The following SAMD5 variants were observed in gnomAD, a reference collection of about 807,000 sequenced individuals.
SAMD5 encodes sterile alpha motif domain-containing protein 5.
SAMD5 carries 13 observed loss-of-function variants against 11.3 expected under a neutral mutation model. The observed-to-expected ratio is 1.15, with a 90% CI of 0.75 to 1.83. SAMD5 has a LOEUF of 1.83. Ranked by LOEUF, SAMD5 falls within the 40% of genes most tolerant of loss-of-function variation. The probability of loss-of-function intolerance (pLI) is 0.00; values close to 1 mark genes in which losing one functional copy is unlikely to be tolerated. For synonymous variants in SAMD5, 129 were observed against 111.3 expected (o/e 1.16, Z -1.00); for missense variants, 255 against 239.1 (o/e 1.07, Z -0.44).
the SAMD5 span, among the ~76,000 whole-genome samples, chr6:147,838,449 T>C: frequency 2.6e-5 from 4 of 151,962 alleles, no homozygotes; most frequent in Non-Finnish European, 4.4e-5. Flanking sequence ...TTTAATGGTG[T>C]TGTAAGAATC....
At chr6:147,731,853 G>A (rs1791720539) in intron 1 of SAMD5, among the ~76,000 whole-genome samples, 1 of 152,044 alleles carries the variant, frequency 6.6e-6, no homozygotes, top group South Asian at 2.1e-4. Flanking sequence ...CAAAGGTGAG[G>A]AATTGTGTCA....
At chr6:147,558,973 C>A (rs1474226373) in intron 1 of SAMD5, among the ~76,000 whole-genome samples, 2 of 152,190 alleles carry the variant, frequency 1.3e-5, no homozygotes, top group African/African-American at 2.4e-5. Context: ...CCTCCTTAAT[C>A]GTTCTATTAA....
chr6:147,609,978 A>C lies in SAMD5; in HGVS notation c.162+100591A>C, dbSNP rs1280068201. Among the ~76,000 whole-genome samples, 3 of 152,336 alleles carry C rather than the reference A, an allele frequency of 2.0e-5. No homozygotes were observed. In the East Asian group the frequency reaches 5.8e-4, roughly 29 times the overall value. Reference sequence around the variant, plus strand: ...TAACAGTCTAGTTCAAAAGAACACAACTTGTTGTCTCTTTTGTTGTTTTCA... The same window carrying C: ...TAACAGTCTAGTTCAAAAGAACACACCTTGTTGTCTCTTTTGTTGTTTTCA... On this transcript the variant is annotated intron_variant, in intron 1 of 1. Transcript: ENST00000566741.
Position 147,566,314 on chromosome 6 carries a change from G to A in SAMD5, c.*1858G>A. The A allele has an allele frequency of 3.1e-6, 3 of 976,924 alleles. No homozygotes were observed. The highest frequency in any genetic ancestry group is 3.6e-6 in the Non-Finnish European group (3 of 822,364). The allele number at this position is 976,924 out of a possible 1,614,324, so 60.5% of individuals were successfully genotyped here. ...TTTTTTTTTTTCCAAATGAACTAGG[G>A]TCTTTAAAATTCCTAAGTAGATTCT... On this transcript the variant is annotated 3_prime_UTR_variant, in exon 2 of 2. Coordinates refer to ENST00000367474, the MANE Select transcript of SAMD5 (RefSeq NM_001030060.3).
chr6:147,919,049 C>T, the SAMD5 span, among the ~76,000 whole-genome samples: 1 of 152,088 alleles, frequency 6.6e-6, no homozygotes, highest in Non-Finnish European at 1.5e-5. Context: ...CAGAATTGAG[C>T]TGAAATAAGG....
chr6:147,841,618 TA>T, the SAMD5 span, among the ~76,000 whole-genome samples: 1 of 152,230 alleles, frequency 6.6e-6, no homozygotes, highest in African/African-American at 2.4e-5. Context: ...ATTTTTAAAT[TA>T]GCAGAAGCAA....
chr6:147,590,083 T>C (rs1032523710), intron 1 of SAMD5, among the ~76,000 whole-genome samples: 3 of 152,170 alleles, frequency 2.0e-5, no homozygotes, highest in African/African-American at 7.2e-5. Flanking sequence ...GATGCAAATA[T>C]GAAATTCACT....
At chr6:147,764,523 T>A in the SAMD5 span, among the ~76,000 whole-genome samples, 1 of 152,238 alleles carries the variant, frequency 6.6e-6, no homozygotes, top group Non-Finnish European at 1.5e-5. Context: ...AATGTTTTGA[T>A]GTTCTCTCAT....
At chr6:147,730,011 G>T in intron 1 of SAMD5, 1 of 415,580 alleles carries the variant, frequency 2.4e-6, no homozygotes, top group Middle Eastern at 4.3e-4. Flanking sequence ...CTTGAACCCG[G>T]GAGGTGGATG....
intron 1 of SAMD5, among the ~76,000 whole-genome samples, chr6:147,619,888 CTGA>C (rs1290737289): frequency 5.9e-5 from 9 of 152,192 alleles, no homozygotes; most frequent in Admixed American, 2.0e-4. Flanking sequence ...CTGGCTGTCC[CTGA>C]TGGAGTCACT....
intron 1 of SAMD5, among the ~76,000 whole-genome samples, chr6:147,644,350 A>T (rs1055763851): frequency 1.3e-5 from 2 of 152,228 alleles, no homozygotes; most frequent in African/African-American, 4.8e-5. Context: ...AAGACGCATT[A>T]GAGATAAATG....
At chr6:147,928,770 A>G in the SAMD5 span, among the ~76,000 whole-genome samples, 1 of 151,874 alleles carries the variant, frequency 6.6e-6, no homozygotes, top group South Asian at 2.1e-4. Context: ...TTAATTTTAG[A>G]TCTTTCTAAC....
At chr6:147,824,442 A>G in the SAMD5 span, among the ~76,000 whole-genome samples, 2 of 152,212 alleles carry the variant, frequency 1.3e-5, no homozygotes, top group African/African-American at 4.8e-5. Context: ...AACACAAAAC[A>G]AGTAAACTAG....
At chr6:147,594,409 A>T (rs1417972931) in intron 1 of SAMD5, among the ~76,000 whole-genome samples, 1 of 152,188 alleles carries the variant, frequency 6.6e-6, no homozygotes, top group African/African-American at 2.4e-5. Flanking sequence ...AAATGAGACT[A>T]TAACTAAGTT....
At chr6:147,873,723 CTT>C in the SAMD5 span, among the ~76,000 whole-genome samples, 11 of 152,128 alleles carry the variant, frequency 7.2e-5, no homozygotes, top group East Asian at 9.6e-4. Context: ...AAAATAATGA[CTT>C]ATTATTTAAT....
At chr6:147,897,801 C>T in the SAMD5 span, among the ~76,000 whole-genome samples, 4 of 151,774 alleles carry the variant, frequency 2.6e-5, no homozygotes, top group African/African-American at 9.7e-5. Context: ...AAGAAATAGC[C>T]AGGCCTGGTG....
the SAMD5 span, among the ~76,000 whole-genome samples, chr6:147,817,580 C>T: frequency 2.0e-5 from 3 of 152,200 alleles, no homozygotes; most frequent in African/African-American, 7.2e-5. Flanking sequence ...TATGGAAAGA[C>T]AGACGCTTCG....
chr6:147,643,341 T>C (rs755994953), intron 1 of SAMD5, among the ~76,000 whole-genome samples: 1 of 152,170 alleles, frequency 6.6e-6, no homozygotes, highest in Non-Finnish European at 1.5e-5. Flanking sequence ...TTCAATCATG[T>C]GGGTAGATTT....
At chr6:147,895,322 T>C in the SAMD5 span, among the ~76,000 whole-genome samples, 4 of 152,182 alleles carry the variant, frequency 2.6e-5, no homozygotes, top group Admixed American at 2.6e-4. Flanking sequence ...GAGTTAGAGA[T>C]GATTTCTTTG....
Sources: gnomAD v4.1 joint callset for allele counts (sites outside exome capture counted in the v4.1 genomes callset) on GRCh38, gnomAD v4.1.1 for gene constraint, MANE v1.5 for transcripts, NCBI Gene and HGNC (gene_info 2026-07-23, HGNC 2026-07-21) for gene names.